Variants in SNORC observed in about 807,000 individuals in gnomAD.
SNORC encodes secondary ossification center associated regulator of chondrocyte maturation.
Under a neutral mutation model 9.7 loss-of-function variants are expected in SNORC, and 11 were observed. The ratio of observed to expected loss-of-function variants is 1.14; its 90% CI spans 0.72 to 1.88. The LOEUF (loss-of-function observed/expected upper bound fraction) is 1.88. Ranked by LOEUF, SNORC falls within the 40% of genes most tolerant of loss-of-function variation. SNORC has a pLI of 0.00. For missense variants in SNORC, 197 were observed against 173.1 expected (o/e 1.14, Z -0.77); for synonymous variants, 108 against 88.7 (o/e 1.22, Z -1.22).
rs1379431501 is a variant in SNORC, at chr2:232,870,382, T to G, written c.41T>G (p.Val14Gly). ...GCCCTGCGCATGGCGCTGCTGCTGG[T>G]CTCCGGGGTTCTGGCCCCTGCGGTG... Residue 14 changes from valine (V) to glycine (G), a missense_variant, in exon 1 of 3, where the codon GTC (valine) becomes GGC (glycine). Coordinates refer to ENST00000331342, the Ensembl canonical transcript of SNORC. 1.9e-6 allele frequency: 3 copies of G among 1,571,160 alleles called. No individual in the cohort carries two copies. The Admixed American group carries it at 5.6e-5, about 29-fold the overall frequency.
chr2:232,868,861 A>C (rs1446976347), upstream of SNORC, among the ~76,000 whole-genome samples: 1 of 152,138 alleles, frequency 6.6e-6, no homozygotes, highest in Non-Finnish European at 1.5e-5. Context: ...CTAATGTCAT[A>C]CTCACATCTT....
upstream of SNORC, chr2:232,870,255 C>T: frequency 2.3e-6 from 3 of 1,277,680 alleles, no homozygotes; most frequent in Non-Finnish European, 3.3e-6. Flanking sequence ...CTTCCCAGCC[C>T]TTTGATGCCT....
At chr2:232,875,676 C>A in intron 1 of SNORC, 1 of 553,876 alleles carries the variant, frequency 1.8e-6, no homozygotes, top group East Asian at 3.3e-5. Flanking sequence ...AACTCCCAAC[C>A]CTATAAGCAG....
chr2:232,875,421 G>A, intron 1 of SNORC: 1 of 340,990 alleles, frequency 2.9e-6, no homozygotes, highest in Non-Finnish European at 6.3e-6. Context: ...GGCTGGGCTG[G>A]AGAGGCCAAG....
chr2:232,867,481 C>T (rs1407381257), upstream of SNORC, among the ~76,000 whole-genome samples: 1 of 152,162 alleles, frequency 6.6e-6, no homozygotes, highest in Non-Finnish European at 1.5e-5. Flanking sequence ...TAATTTTAGA[C>T]TTTTTGTCTG....
At chr2:232,867,475 T>G (rs1690901817), upstream of SNORC, among the ~76,000 whole-genome samples, 1 of 152,272 alleles carries the variant, frequency 6.6e-6, no homozygotes, top group African/African-American at 2.4e-5. Context: ...TATCTGTAAT[T>G]TTAGACTTTT....
chr2:232,876,171 C>A lies in SNORC; in HGVS notation c.256+49C>A. 3 of 110,646 alleles carry A rather than the reference C, an allele frequency of 2.7e-5. No individual in the cohort carries two copies. The highest frequency in any genetic ancestry group is 3.2e-4 in the African/African-American group (2 of 6,256). The allele number at this position is 110,646 out of a possible 1,614,324, so 6.9% of individuals were successfully genotyped here. ...GGGGAGAGGGAGAAATTAGGAGGGG[C>A]GGGGGGCGGGGGGCGCGGGGAGAAG... On this transcript the variant is annotated intron_variant, in intron 2 of 2. Coordinates refer to ENST00000331342, the Ensembl canonical transcript of SNORC. The surrounding 1 kb of genome is among the most constrained non-coding windows in gnomAD (Gnocchi z 6.8).
intron 1 of SNORC, among the ~76,000 whole-genome samples, chr2:232,871,423 G>A (rs2675967): frequency 1.3e-5 from 2 of 151,984 alleles, no homozygotes; most frequent in Admixed American, 6.5e-5. Context: ...GTGCCTTCTC[G>A]TCATCTGTAG....
At chr2:232,877,357 T>C, downstream of SNORC, 1 of 985,402 alleles carries the variant, frequency 1.0e-6, no homozygotes, top group Non-Finnish European at 1.2e-6. Context: ...CATTTAGAGA[T>C]GTAAACTTTG....
At chr2:232,877,714 A>T (rs945869651), downstream of SNORC, 2 of 152,198 alleles carry the variant, frequency 1.3e-5, no homozygotes, top group Non-Finnish European at 2.9e-5. Flanking sequence ...GCCTCATCCA[A>T]GTCTGTTAAC....
At chr2:232,878,078 C>G (rs1391049846), downstream of SNORC, 1 of 152,368 alleles carries the variant, frequency 6.6e-6, no homozygotes, top group Non-Finnish European at 1.5e-5. Context: ...GAACCAGTGT[C>G]ACATGCCTGT....
At chr2:232,872,332 C>T (rs1389866066) in intron 1 of SNORC, among the ~76,000 whole-genome samples, 1 of 152,176 alleles carries the variant, frequency 6.6e-6, no homozygotes, top group Non-Finnish European at 1.5e-5. Flanking sequence ...GGGCAGGAGG[C>T]CAGGGCAGGG....
upstream of SNORC, chr2:232,870,156 T>TTGTG (rs1281026912): frequency 6.4e-6 from 4 of 628,192 alleles, no homozygotes; most frequent in Non-Finnish European, 8.6e-6. Context: ...CTGTGAGCTC[T>TTGTG]TGTGTGTGTG....
chr2:232,872,913 C>A (rs996084718), intron 1 of SNORC, among the ~76,000 whole-genome samples: 2 of 152,242 alleles, frequency 1.3e-5, no homozygotes, highest in African/African-American at 4.8e-5. Flanking sequence ...CCTGGTGGAT[C>A]GGTGGCTGAG....
intron 1 of SNORC, among the ~76,000 whole-genome samples, chr2:232,874,458 TGTCTCCTTA>T (rs1691142636): frequency 6.6e-6 from 1 of 152,234 alleles, no homozygotes; most frequent in Non-Finnish European, 1.5e-5. Flanking sequence ...AACATTGAGC[TGTCTCCTTA>T]GTCTCTGATC....
chr2:232,868,968 A>T (rs1690928948), upstream of SNORC: 1 of 152,338 alleles, frequency 6.6e-6, no homozygotes, highest in Non-Finnish European at 1.5e-5. Context: ...ATACTAATTT[A>T]TTGCTAGCAT....
At chr2:232,875,785 C>T (rs527376817) in intron 1 of SNORC, 155 bp from the exon 2 acceptor site, 299 of 826,220 alleles carry the variant, frequency 3.6e-4, no homozygotes, top group Non-Finnish European at 5.2e-4. Context: ...GCACTGGCTT[C>T]AGCTTCTTAG....
intron 1 of SNORC, among the ~76,000 whole-genome samples, chr2:232,872,805 C>T (rs1691079174): frequency 6.6e-6 from 1 of 151,964 alleles, no homozygotes; most frequent in African/African-American, 2.4e-5. Context: ...TGGGAATTGC[C>T]TCTCAGCTTT....
intron 1 of SNORC, among the ~76,000 whole-genome samples, 196 bp downstream of exon 1, chr2:232,870,610 T>G (rs1690992637): frequency 6.6e-6 from 1 of 152,104 alleles, no homozygotes; most frequent in Non-Finnish European, 1.5e-5. Context: ...CTCAGGAAAT[T>G]GTTAGCAGGA....
Sources: allele counts gnomAD v4.1 joint callset (sites outside exome capture counted in the v4.1 genomes callset), GRCh38; gene constraint gnomAD v4.1.1; non-coding constraint Gnocchi (gnomAD v3.1); transcripts MANE v1.5; gene names NCBI Gene and HGNC (gene_info 2026-07-23, HGNC 2026-07-21).